MGAT3: variants seen among roughly 807,000 people sequenced by gnomAD.
The protein encoded by MGAT3 is beta-1,4-mannosyl-glycoprotein 4-beta-N-acetylglucosaminyltransferase, also known as GlcNAc-T III.
In MGAT3, 9 loss-of-function variants were observed where a neutral mutation model predicts 29.8. That is an observed-to-expected ratio of 0.30 (90% CI 0.18 to 0.53). The LOEUF (loss-of-function observed/expected upper bound fraction) is 0.53. Among genes scored for constraint, MGAT3 ranks in the 20% least tolerant of loss-of-function variants. The probability of loss-of-function intolerance (pLI) is 0.96; values close to 1 mark genes in which losing one functional copy is unlikely to be tolerated. For synonymous variants in MGAT3, 397 were observed against 348.9 expected (o/e 1.14, Z -1.54); for missense variants, 557 against 769.5 (o/e 0.72, Z 3.27).
rs766150345 is a variant in MGAT3, at chr22:39,488,924, G to A, written c.1577G>A (p.Gly526Asp). 18 of 1,605,216 alleles carry A rather than the reference G, an allele frequency of 1.1e-5. No homozygotes were observed. The highest frequency in any genetic ancestry group is 1.4e-5 in the Non-Finnish European group (16 of 1,176,438). ...RGPEGRPPAR[G>D]KLDEAEV ...CCCGAGGGAAGGCCGCCCGCCCGGG[G>A]CAAACTGGACGAGGCGGAAGTCTAG... Residue 526 changes from glycine to aspartate, a missense_variant, in exon 2 of 2, where the codon GGC becomes GAC. Gly to Asp is a moderately conservative substitution (Grantham distance 94). Coordinates refer to ENST00000341184, the MANE Select transcript of MGAT3 (RefSeq NM_002409.5).
At chr22:39,458,988 A>G (rs1008523167) in intron 1 of MGAT3, among the ~76,000 whole-genome samples, 1 of 152,178 alleles carries the variant, frequency 6.6e-6, no homozygotes, top group Non-Finnish European at 1.5e-5. Context: ...GCTCAGACCC[A>G]TTCTAAGGGT....
chr22:39,471,195 G>A (rs923063900), intron 1 of MGAT3, among the ~76,000 whole-genome samples: 3 of 152,320 alleles, frequency 2.0e-5, no homozygotes, highest in African/African-American at 4.8e-5. Context: ...GGGCAGGGCA[G>A]AGCTGGCTCC....
chr22:39,474,037 AC>A (rs1928884066), intron 1 of MGAT3, among the ~76,000 whole-genome samples: 1 of 151,714 alleles, frequency 6.6e-6, no homozygotes, highest in Non-Finnish European at 1.5e-5. Flanking sequence ...GCTGCAGGAG[AC>A]CCAGACACGG....
chr22:39,472,304 G>A (rs927317154), intron 1 of MGAT3, among the ~76,000 whole-genome samples: 4 of 152,272 alleles, frequency 2.6e-5, no homozygotes, highest in East Asian at 1.9e-4. Context: ...CCTGACCCCC[G>A]CCCTGTCCCT....
At chr22:39,462,925 A>G (rs1263838578) in intron 1 of MGAT3, among the ~76,000 whole-genome samples, 3 of 152,194 alleles carry the variant, frequency 2.0e-5, no homozygotes, top group Non-Finnish European at 4.4e-5. Context: ...GGGCCAGGCC[A>G]GGGAGACAGA....
chr22:39,481,188 T>G (rs1929117097), intron 1 of MGAT3, among the ~76,000 whole-genome samples: 1 of 152,026 alleles, frequency 6.6e-6, no homozygotes, highest in African/African-American at 2.4e-5. Context: ...GCACATACAC[T>G]CCTGCCAGGG....
chr22:39,466,225 A>G (rs1259268835), intron 1 of MGAT3, among the ~76,000 whole-genome samples: 2 of 152,292 alleles, frequency 1.3e-5, no homozygotes, highest in East Asian at 3.9e-4. Flanking sequence ...CCCCGGAGAC[A>G]GCCGGCTCCT....
chr22:39,467,672 TTTTG>T (rs758952244), intron 1 of MGAT3, among the ~76,000 whole-genome samples: 26 of 151,404 alleles, frequency 1.7e-4, no homozygotes, highest in Non-Finnish European at 3.2e-4. Flanking sequence ...TTTCGTTTCG[TTTTG>T]TTTCATTTCG....
rs58543840 is a variant in MGAT3, at chr22:39,475,128, C to CTTT, written c.-1-12199_-1-12197dup. Reference sequence around the variant, plus strand: ...TGAATTCACAGCAGGGCTTGCCAGGCTTTTTTTTTTTTTTTTTTTTTTAAC... The same window carrying CTTT: ...TGAATTCACAGCAGGGCTTGCCAGGCTTTTTTTTTTTTTTTTTTTTTTTTTAAC... On this transcript the variant is annotated intron_variant, in intron 1 of 1. Transcript: ENST00000341184. Among the ~76,000 whole-genome samples the CTTT allele has an allele frequency of 3.6e-3, 427 of 118,752 alleles. 12 individuals are homozygous for CTTT. Among genetic ancestry groups the CTTT allele is most frequent in the African/African-American group, 0.015 (408 of 27,042 alleles). The allele number at this position is 118,752 out of a possible 152,430, so 77.9% of individuals were successfully genotyped here. A position where few individuals can be genotyped will look rare whatever the true frequency, so the allele number is the denominator to read the frequency against.
rs754931655 is a variant in MGAT3, at chr22:39,487,823, C to T, written c.476C>T (p.Thr159Met). The T allele has an allele frequency of 1.3e-6, 2 of 1,501,900 alleles. No individual in the cohort carries two copies. The highest frequency in any genetic ancestry group is 1.4e-5 in the African/African-American group (1 of 71,982). 93.0% of individuals were successfully genotyped at this position (1,501,900 alleles called of 1,614,324 possible). ...TACCTCCTGAGCGCCCGGGAGCGCA[C>T]GGGGGGCCGAGGCGCCCGGCGCAAG... ...PRYLLSARER[T>M]GGRGARRKWV... is the part of the protein sequence containing the mutation. The change falls in exon 2 of 2, where the codon ACG becomes ATG. Residue 159 changes from threonine to methionine, a missense_variant. Thr to Met is a moderately conservative substitution (Grantham distance 81). Transcript: ENST00000341184. The surrounding 1 kb of genome is among the most constrained non-coding windows in gnomAD (Gnocchi z 5.7).
chr22:39,487,763 G>A lies in MGAT3; in HGVS notation c.416G>A (p.Gly139Glu), dbSNP rs1474603341. 2 of 1,513,238 alleles carry A rather than the reference G, an allele frequency of 1.3e-6. No homozygotes were observed. Among genetic ancestry groups the A allele is most frequent in the Admixed American group, 2.4e-5 (1 of 41,724 alleles). 93.7% of individuals were successfully genotyped at this position (1,513,238 alleles called of 1,614,324 possible). Residue 139 changes from glycine (G) to glutamate (E), a missense_variant, in exon 2 of 2, where the codon GGG becomes GAG. Coordinates refer to ENST00000341184, the MANE Select transcript of MGAT3 (RefSeq NM_002409.5). The surrounding 1 kb of genome is among the most constrained non-coding windows in gnomAD (Gnocchi z 5.7). ...PPGRPEEKPE[G>E]ANGSSARRPP... ...GGACGGCCGGAGGAGAAGCCTGAGG[G>A]GGCCAACGGCTCCTCGGCCCGGCGG...
At chr22:39,480,393 G>A (rs889955817) in intron 1 of MGAT3, among the ~76,000 whole-genome samples, 118 of 152,172 alleles carry the variant, frequency 7.8e-4, no homozygotes, top group African/African-American at 2.8e-3. Context: ...CCCCAGGTAG[G>A]TCCTAACCAC....
chr22:39,459,987 G>A lies in MGAT3; in HGVS notation c.-2+2430G>A, dbSNP rs540625888. 1.5e-4 allele frequency among the ~76,000 whole-genome samples: 23 copies of A among 152,380 alleles called. No individual in the cohort carries two copies. The South Asian group carries it at 2.5e-3, about 16-fold the overall frequency. On this transcript the variant is annotated intron_variant, in intron 1 of 1. Transcript: ENST00000341184. ...GAACGGCAGAGAGCTGAGGGTGGGG[G>A]AACTGCGTGGTCCTCATGCAATTCT...
intron 1 of MGAT3, among the ~76,000 whole-genome samples, chr22:39,469,565 G>C (rs1928749632): frequency 6.6e-6 from 1 of 152,124 alleles, no homozygotes; most frequent in South Asian, 2.1e-4. Context: ...AGGACTCTTG[G>C]ACCAGACCTC....
chr22:39,485,676 A>C (rs1295124383), intron 1 of MGAT3, among the ~76,000 whole-genome samples: 2 of 152,126 alleles, frequency 1.3e-5, no homozygotes, highest in African/African-American at 4.8e-5. Flanking sequence ...CTGTAATCCC[A>C]GCTACTTGGG....
At chr22:39,472,889 G>C (rs180709961) in intron 1 of MGAT3, 3 of 152,568 alleles carry the variant, frequency 2.0e-5, no homozygotes, top group African/African-American at 7.2e-5. Context: ...ATGGGCCGGT[G>C]AGGGAAGGAG....
chr22:39,475,515 C>T lies in MGAT3; in HGVS notation c.-1-11832C>T, dbSNP rs1344425455. Among the ~76,000 whole-genome samples the T allele has an allele frequency of 3.9e-5, 6 of 152,306 alleles. No homozygotes were observed. The East Asian group carries it at 1.2e-3, about 29-fold the overall frequency. ...GGCAGCCCCCCAGAGCTGCATCCCT[C>T]CCTCCTGTAGTTAACCAATGCTCTA... On this transcript the variant is annotated intron_variant, in intron 1 of 1. Coordinates refer to ENST00000341184, the MANE Select transcript of MGAT3 (RefSeq NM_002409.5).
At chr22:39,460,318 G>A (rs1928461245) in intron 1 of MGAT3, among the ~76,000 whole-genome samples, 1 of 152,172 alleles carries the variant, frequency 6.6e-6, no homozygotes, top group Non-Finnish European at 1.5e-5. Flanking sequence ...ATCCATTGGG[G>A]AGCAGATACC....
intron 1 of MGAT3, among the ~76,000 whole-genome samples, chr22:39,475,117 G>A (rs1274424533): frequency 7.3e-6 from 1 of 136,858 alleles, no homozygotes; most frequent in Admixed American, 7.3e-5. Flanking sequence ...TTCACAGCAG[G>A]GCTTGCCAGG....
Sources: allele counts gnomAD v4.1 joint callset (sites outside exome capture counted in the v4.1 genomes callset), GRCh38; gene constraint gnomAD v4.1.1; non-coding constraint Gnocchi (gnomAD v3.1); transcripts MANE v1.5; gene names NCBI Gene and HGNC (gene_info 2026-07-23, HGNC 2026-07-21).